Variants in NTN1 observed in about 807,000 individuals in gnomAD.
NTN1 encodes the protein netrin-1.
NTN1 carries 11 observed loss-of-function variants against 54.2 expected under a neutral mutation model. The observed-to-expected ratio is 0.20, with a 90% CI of 0.13 to 0.34. NTN1 has a LOEUF of 0.34. NTN1 is among the 10% of genes least tolerant of loss of function. The pLI, the probability that NTN1 is intolerant of heterozygous loss-of-function variation, is 1.00. For missense variants in NTN1, 740 were observed against 893.1 expected (o/e 0.83, Z 2.18); for synonymous variants, 371 against 382.0 (o/e 0.97, Z 0.33).
rs373627619 is a variant in NTN1, at chr17:9,206,781, T to C, written c.1412-14387T>C. Among the ~76,000 whole-genome samples, 5 of 152,372 alleles carry C rather than the reference T, an allele frequency of 3.3e-5. No homozygotes were observed. The East Asian group carries it at 5.8e-4, about 18-fold the overall frequency. ...GGCAGTGGATTTAGGATCTGTGTTA[T>C]TAAAGTCCAAACAAAACACCAAAGC... On this transcript the variant is annotated intron_variant, in intron 5 of 6. Transcript: ENST00000173229.
intron 5 of NTN1, among the ~76,000 whole-genome samples, chr17:9,207,622 G>T (rs1421829798): frequency 6.6e-6 from 1 of 152,184 alleles, no homozygotes; most frequent in Non-Finnish European, 1.5e-5. Flanking sequence ...CCTCTGTCCT[G>T]CTAGATCCTT....
intron 2 of NTN1, among the ~76,000 whole-genome samples, chr17:9,143,265 G>C (rs77315620): frequency 0.015 from 2,316 of 152,350 alleles, 64 homozygotes; most frequent in African/African-American, 0.052. Flanking sequence ...GCAGCAGGGG[G>C]AGGAGTGGAG....
At chr17:9,073,881 C>T (rs1409782257) in intron 2 of NTN1, among the ~76,000 whole-genome samples, 1 of 152,228 alleles carries the variant, frequency 6.6e-6, no homozygotes, top group African/African-American at 2.4e-5. Flanking sequence ...GTGAGTTCAG[C>T]ACTCCCTCTT....
rs181095124 is a variant in NTN1 at position 9,211,963 on chromosome 17, C to A, written c.1412-9205C>A. On this transcript the variant is annotated intron_variant, in intron 5 of 6. Coordinates refer to ENST00000173229, the MANE Select transcript of NTN1 (RefSeq NM_004822.3). This position sits in a 1 kb window ranked among gnomAD's most constrained non-coding sequence, Gnocchi z 4.4. ...CAAACATTTTGGGCTTGCTTCTAGA[C>A]CCTTACTTCCATAGGTTGCTAAGCT... 1.0e-3 allele frequency among the ~76,000 whole-genome samples: 157 copies of A among 152,316 alleles called. 1 individual carries two copies. The highest frequency in any genetic ancestry group is 3.5e-3 in the African/African-American group (146 of 41,572).
intron 5 of NTN1, among the ~76,000 whole-genome samples, chr17:9,186,305 A>G (rs931599891): frequency 1.3e-5 from 2 of 152,200 alleles, no homozygotes; most frequent in Non-Finnish European, 2.9e-5. Flanking sequence ...ACCACTGCCC[A>G]TGGGCCTTCC....
intron 2 of NTN1, among the ~76,000 whole-genome samples, chr17:9,093,597 TG>T (rs1294245293): frequency 2.6e-5 from 4 of 152,224 alleles, no homozygotes; most frequent in Admixed American, 6.5e-5. Flanking sequence ...TGGGCTCAAG[TG>T]GTCCTCCTGC....
At chr17:9,193,942 A>G (rs1349742106) in intron 5 of NTN1, among the ~76,000 whole-genome samples, 8 of 148,172 alleles carry the variant, frequency 5.4e-5, no homozygotes, top group African/African-American at 1.0e-4. Context: ...AAAAAAAAAA[A>G]AACATTATGC....
intron 2 of NTN1, among the ~76,000 whole-genome samples, chr17:9,147,187 C>T (rs1331513223): frequency 6.6e-6 from 1 of 152,212 alleles, no homozygotes; most frequent in Non-Finnish European, 1.5e-5. Flanking sequence ...AGTCCCTCCC[C>T]GTAAGGACTC....
In NTN1 at chr17:9,049,846, G is replaced by A. The variant is rs957135618; in HGVS notation, c.1018+26455G>A. Among the ~76,000 whole-genome samples, 18 of 152,174 alleles carry A rather than the reference G, an allele frequency of 1.2e-4. No individual in the cohort carries two copies. The East Asian group carries it at 1.5e-3, about 13-fold the overall frequency. On this transcript the variant is annotated intron_variant, in intron 2 of 6. Coordinates refer to ENST00000173229, the MANE Select transcript of NTN1 (RefSeq NM_004822.3). ...TTCGGGTTTTGATCATTGTAGGATGGGTATGTAAGAGAGTAATATCTGGGG... is the reference window on the plus strand; with the variant it reads ...TTCGGGTTTTGATCATTGTAGGATGAGTATGTAAGAGAGTAATATCTGGGG...
intron 2 of NTN1, among the ~76,000 whole-genome samples, chr17:9,119,176 A>ATTATTTAT (rs555594264): frequency 4.7e-5 from 7 of 150,036 alleles, no homozygotes; most frequent in African/African-American, 1.7e-4. Flanking sequence ...TTAAAAATGT[A>ATTATTTAT]TTATTTATTT....
At chr17:9,006,355 T>G in the NTN1 span, among the ~76,000 whole-genome samples, 27 of 152,292 alleles carry the variant, frequency 1.8e-4, no homozygotes, top group African/African-American at 4.8e-4. Context: ...TGCGAGTCGC[T>G]GAGACTATCC....
At chr17:9,238,210 G>A (rs1377112743) in intron 6 of NTN1, among the ~76,000 whole-genome samples, 1 of 152,164 alleles carries the variant, frequency 6.6e-6, no homozygotes, top group Non-Finnish European at 1.5e-5. Flanking sequence ...GGAGTGGTAA[G>A]TGGGGAAGTG....
intron 2 of NTN1, among the ~76,000 whole-genome samples, chr17:9,092,815 A>G (rs1321266640): frequency 4.6e-5 from 7 of 151,518 alleles, no homozygotes; most frequent in Admixed American, 6.6e-5. Flanking sequence ...CTGGAGTGCA[A>G]TGGTGCAATC....
At chr17:9,094,988 CAAAAAAA>C (rs71135941) in intron 2 of NTN1, among the ~76,000 whole-genome samples, 5 of 99,924 alleles carry the variant, frequency 5.0e-5, no homozygotes, top group African/African-American at 7.4e-5. Context: ...GACTCCGTCT[CAAAAAAA>C]AAAAAAAAAA....
rs140536582 is a variant in NTN1, at chr17:9,057,918, C to T, written c.1018+34527C>T. The stretch of plus-strand genomic sequence containing the variant: ...TTGTTTATTTTTGGAGACAGAGTCT[C>T]GCTGTGTTGTCCAGGCTGGAGTGCA... On this transcript the variant is annotated intron_variant, in intron 2 of 6. Coordinates refer to ENST00000173229, the MANE Select transcript of NTN1 (RefSeq NM_004822.3). 6.3e-3 allele frequency among the ~76,000 whole-genome samples: 953 copies of T among 152,368 alleles called. 16 individuals are homozygous for T. Among genetic ancestry groups the T allele is most frequent in the African/African-American group, 0.021 (889 of 41,582 alleles).
chr17:9,028,139 G>A (rs1008891456), intron 2 of NTN1, among the ~76,000 whole-genome samples: 3 of 152,088 alleles, frequency 2.0e-5, no homozygotes, highest in African/African-American at 7.2e-5. Context: ...AAAAAAGAAG[G>A]CCTTCTCTTT....
upstream of NTN1, among the ~76,000 whole-genome samples, chr17:9,018,106 G>A (rs1219052146): frequency 6.6e-5 from 10 of 152,076 alleles, no homozygotes; most frequent in Admixed American, 2.0e-4. Flanking sequence ...GAGTTCCACC[G>A]TATTACAGGA....
chr17:9,090,972 C>T (rs2092108649), intron 2 of NTN1, among the ~76,000 whole-genome samples: 1 of 152,012 alleles, frequency 6.6e-6, no homozygotes, highest in Admixed American at 6.6e-5. Flanking sequence ...GCGTGTGAAG[C>T]CGACCAAAGG....
chr17:9,056,664 C>T (rs531191566), intron 2 of NTN1, among the ~76,000 whole-genome samples: 7 of 152,078 alleles, frequency 4.6e-5, no homozygotes, highest in South Asian at 2.1e-4. Flanking sequence ...AGTTTGGGGC[C>T]GAGGAAGGGC....
Sources: allele counts gnomAD v4.1 joint callset (sites outside exome capture counted in the v4.1 genomes callset), GRCh38; gene constraint gnomAD v4.1.1; non-coding constraint Gnocchi (gnomAD v3.1); transcripts MANE v1.5; gene names NCBI Gene and HGNC (gene_info 2026-07-23, HGNC 2026-07-21).